The following UNC13C variants were observed in gnomAD, a reference collection of about 807,000 sequenced individuals.
The protein encoded by UNC13C is unc-13 homolog C.
UNC13C carries 174 observed loss-of-function variants against 245.4 expected under a neutral mutation model. The ratio of observed to expected loss-of-function variants is 0.71; its 90% CI spans 0.63 to 0.80. The LOEUF (loss-of-function observed/expected upper bound fraction) is 0.80. Ranked by LOEUF, UNC13C falls within the 30% of genes least tolerant of loss-of-function variation. The pLI, the probability that UNC13C is intolerant of heterozygous loss-of-function variation, is 0.00. For synonymous variants in UNC13C, 992 were observed against 895.1 expected, an observed-to-expected ratio of 1.11 and a Z score of -1.93; for missense variants, 2,829 against 2,602.9, an observed-to-expected ratio of 1.09 and a Z score of -1.89.
intron 11 of UNC13C, among the ~76,000 whole-genome samples, chr15:54,296,483 G>A (rs1455615848): frequency 6.6e-6 from 1 of 150,836 alleles, no homozygotes; most frequent in African/African-American, 2.5e-5. Context: ...CTCCCAAAAT[G>A]CTGGGATTAC....
intron 30 of UNC13C, among the ~76,000 whole-genome samples, chr15:54,582,191 G>T (rs1898232047): frequency 6.6e-6 from 1 of 152,118 alleles, no homozygotes; most frequent in East Asian, 1.9e-4. Context: ...TGGAGAAAAG[G>T]GATGAAGATG....
chr15:54,374,999 A>G (rs2039575087), intron 17 of UNC13C, among the ~76,000 whole-genome samples: 2 of 152,252 alleles, frequency 1.3e-5, no homozygotes, highest in Admixed American at 1.3e-4. Context: ...ATAGATGATA[A>G]GAGATTTAGG....
intron 14 of UNC13C, among the ~76,000 whole-genome samples, chr15:54,323,008 CT>C (rs59778832): frequency 0.68 from 98,116 of 144,968 alleles, 34,194 homozygotes; most frequent in Non-Finnish European, 0.78. Context: ...TTTTTGTTCT[CT>C]TTTTTTTTTT....
chr15:54,087,653 C>G (rs1362651612), intron 2 of UNC13C, among the ~76,000 whole-genome samples: 1 of 152,140 alleles, frequency 6.6e-6, no homozygotes, highest in East Asian at 1.9e-4. Flanking sequence ...GCCAAAACTA[C>G]TCCAGTTACC....
Position 54,507,200 on chromosome 15 carries a change from T to TA in UNC13C, c.5379+12dup, listed in dbSNP as rs763628644. The TA allele has an allele frequency of 5.1e-6, 8 of 1,564,198 alleles. No individual in the cohort carries two copies. The highest frequency in any genetic ancestry group is 3.6e-5 in the Admixed American group (2 of 54,876). ...ATTGTGATAAGGAAAATGTGGTAAG[T>TA]AAAAAATGTCTCTACTTTCAAGTAT... On this transcript the variant is annotated splice_region_variant and intron_variant, in intron 23 of 32. Transcript: ENST00000260323.
At chr15:54,351,953 G>A (rs1250326359) in intron 17 of UNC13C, among the ~76,000 whole-genome samples, 1 of 151,852 alleles carries the variant, frequency 6.6e-6, no homozygotes, top group Non-Finnish European at 1.5e-5. Flanking sequence ...AAATCAGGAG[G>A]TGTTTACACT....
chr15:54,088,270 T>C (rs1213732686), intron 2 of UNC13C, among the ~76,000 whole-genome samples: 3 of 147,042 alleles, frequency 2.0e-5, no homozygotes, highest in Non-Finnish European at 4.5e-5. Context: ...TTCATGGCCG[T>C]AATTTGTCAG....
intron 17 of UNC13C, among the ~76,000 whole-genome samples, chr15:54,383,716 G>A (rs955605375): frequency 2.0e-5 from 3 of 152,032 alleles, no homozygotes; most frequent in African/African-American, 7.2e-5. Flanking sequence ...AATTAGAAGA[G>A]AGTCAAACTG....
chr15:54,548,145 C>A (rs1016874873), intron 27 of UNC13C, among the ~76,000 whole-genome samples: 1 of 149,548 alleles, frequency 6.7e-6, no homozygotes, highest in African/African-American at 2.5e-5. Context: ...GCTCCACTTG[C>A]GTGAGCATTG....
intron 26 of UNC13C, among the ~76,000 whole-genome samples, chr15:54,546,243 C>T (rs776736694): frequency 3.5e-4 from 54 of 152,282 alleles, no homozygotes; most frequent in Non-Finnish European, 7.4e-4. Context: ...ACCGCATGTT[C>T]TCACTCATAA....
chr15:54,575,859 T>C (rs1372582416), intron 30 of UNC13C, among the ~76,000 whole-genome samples: 1 of 152,146 alleles, frequency 6.6e-6, no homozygotes, highest in Non-Finnish European at 1.5e-5. Flanking sequence ...TCTAGAGTCT[T>C]AAGTGTAAAA....
At chr15:54,587,722 C>G (rs1457329776) in intron 30 of UNC13C, among the ~76,000 whole-genome samples, 1 of 152,138 alleles carries the variant, frequency 6.6e-6, no homozygotes, top group Non-Finnish European at 1.5e-5. Flanking sequence ...CTCCACCCAC[C>G]TCCCCATGCC....
At chr15:54,050,513 T>A in intron 2 of UNC13C, 2 of 505,290 alleles carry the variant, frequency 4.0e-6, no homozygotes, top group Non-Finnish European at 8.0e-6. Flanking sequence ...TCTCCAATTG[T>A]AACTAATGCT....
chr15:53,962,110 T>C, the UNC13C span, among the ~76,000 whole-genome samples: 2 of 152,170 alleles, frequency 1.3e-5, no homozygotes. Flanking sequence ...TTTGCATTAT[T>C]TTTAATCCAT....
chr15:54,487,537 C>T (rs886940997), intron 19 of UNC13C, among the ~76,000 whole-genome samples: 18 of 151,980 alleles, frequency 1.2e-4, no homozygotes, highest in South Asian at 6.2e-4. Context: ...GAGGCTAAGG[C>T]GAGTGGATTA....
chr15:54,181,964 A>G (rs2033815444), intron 4 of UNC13C, among the ~76,000 whole-genome samples: 10 of 151,962 alleles, frequency 6.6e-5, no homozygotes, highest in Admixed American at 6.6e-4. Flanking sequence ...TAGATATATG[A>G]TCATATTTTC....
intron 30 of UNC13C, among the ~76,000 whole-genome samples, chr15:54,590,248 C>G: frequency 6.6e-6 from 1 of 152,000 alleles, no homozygotes; most frequent in East Asian, 1.9e-4. Flanking sequence ...GTTCTTTTTC[C>G]TTAGTCTTGC....
intron 30 of UNC13C, among the ~76,000 whole-genome samples, chr15:54,614,256 G>C (rs1331453436): frequency 6.6e-6 from 1 of 151,700 alleles, no homozygotes; most frequent in Non-Finnish European, 1.5e-5. Flanking sequence ...ATATTGCATA[G>C]AACTTGGGTC....
At chr15:54,566,830 G>C (rs565428596) in intron 29 of UNC13C, among the ~76,000 whole-genome samples, 2 of 152,068 alleles carry the variant, frequency 1.3e-5, no homozygotes, top group Non-Finnish European at 1.5e-5. Flanking sequence ...TTAGGAGAGC[G>C]TCTCTGAATA....
Sources: allele counts gnomAD v4.1 joint callset (sites outside exome capture counted in the v4.1 genomes callset), GRCh38; gene constraint gnomAD v4.1.1; transcripts MANE v1.5; gene names NCBI Gene and HGNC (gene_info 2026-07-23, HGNC 2026-07-21).